Variants in MCTP1 observed in about 807,000 individuals in gnomAD.
MCTP1 encodes the protein multiple C2 and transmembrane domain-containing protein 1.
MCTP1 carries 69 observed loss-of-function variants against 120.6 expected under a neutral mutation model. The ratio of observed to expected loss-of-function variants is 0.57; its 90% confidence interval spans 0.47 to 0.70. The LOEUF (loss-of-function observed/expected upper bound fraction) is 0.70. Among genes scored for constraint, MCTP1 ranks in the 30% least tolerant of loss-of-function variants. MCTP1 has a pLI of 0.00. For synonymous variants in MCTP1, 529 were observed against 493.1 expected, an observed-to-expected ratio of 1.07 and a Z score of -0.96; for missense variants, 1,203 against 1,248.8, an observed-to-expected ratio of 0.96 and a Z score of 0.55.
At chr5:94,736,692 G>C (rs904990239) in intron 19 of MCTP1, among the ~76,000 whole-genome samples, 2 of 152,046 alleles carry the variant, frequency 1.3e-5, no homozygotes, top group Non-Finnish European at 2.9e-5. Context: ...TTTTAAATGA[G>C]AGACTGCAAG....
At chr5:95,046,080 A>G (rs73138080) in intron 1 of MCTP1, among the ~76,000 whole-genome samples, 1,827 of 152,300 alleles carry the variant, frequency 0.012, 36 homozygotes, top group African/African-American at 0.042. Flanking sequence ...TAAGAGTGCT[A>G]TATTTCCAGA....
Position 94,912,466 on chromosome 5 carries a change from A to AAAAAAAAAAAAAAG in MCTP1, c.1521+339_1521+340insCTTTTTTTTTTTTT, listed in dbSNP as rs1211529200. On this transcript the variant is annotated intron_variant, in intron 9 of 22. Transcript: ENST00000515393. ...AAAAAAAAAAAAAAAAAAAAAAAAA[A>AAAAAAAAAAAAAAG]GCCGCACTCTGAGTACTTTATGTGC... Among the ~76,000 whole-genome samples the AAAAAAAAAAAAAAG allele has an allele frequency of 3.1e-3, 281 of 92,098 alleles. 70 individuals carry two copies. The highest frequency in any genetic ancestry group is 6.8e-3 in the Middle Eastern group (1 of 148). The allele number at this position is 92,098 out of a possible 152,430, so 60.4% of individuals were successfully genotyped here. A position where few individuals can be genotyped will look rare whatever the true frequency, so the allele number is the denominator to read the frequency against.
At chr5:94,716,216 CTAT>C (rs1025840298) in intron 19 of MCTP1, among the ~76,000 whole-genome samples, 8 of 152,266 alleles carry the variant, frequency 5.3e-5, no homozygotes, top group Admixed American at 1.3e-4. Flanking sequence ...AGAAATTTGT[CTAT>C]TATTCATCTT....
At chr5:95,151,686 T>C (rs1049420533) in intron 1 of MCTP1, among the ~76,000 whole-genome samples, 5 of 152,196 alleles carry the variant, frequency 3.3e-5, no homozygotes, top group Non-Finnish European at 7.4e-5. Flanking sequence ...TTTCCACTTA[T>C]CTGATTTCCT....
At chr5:95,082,806 T>C (rs1230453699) in intron 1 of MCTP1, among the ~76,000 whole-genome samples, 2 of 152,198 alleles carry the variant, frequency 1.3e-5, no homozygotes, top group Non-Finnish European at 2.9e-5. Flanking sequence ...ACATGGCTAG[T>C]GGCTACCATA....
intron 1 of MCTP1, among the ~76,000 whole-genome samples, chr5:95,105,178 T>C (rs1025798464): frequency 1.3e-5 from 2 of 152,188 alleles, no homozygotes; most frequent in Admixed American, 6.5e-5. Flanking sequence ...AGAGCTGGGA[T>C]TGAACCCAGC....
chr5:95,175,924 C>T (rs1747918719), intron 1 of MCTP1, among the ~76,000 whole-genome samples: 1 of 152,160 alleles, frequency 6.6e-6, no homozygotes, highest in South Asian at 2.1e-4. Context: ...CTCTATTACC[C>T]TTTTGTTTTC....
chr5:94,976,210 T>C (rs1828060822), intron 2 of MCTP1, among the ~76,000 whole-genome samples: 1 of 152,164 alleles, frequency 6.6e-6, no homozygotes. Flanking sequence ...CAAGCTATGG[T>C]GATTGGCATT....
At chr5:94,870,247 A>G (rs968429908) in intron 16 of MCTP1, among the ~76,000 whole-genome samples, 170 bp downstream of exon 16, 6 of 152,140 alleles carry the variant, frequency 3.9e-5, no homozygotes, top group African/African-American at 1.4e-4. Flanking sequence ...AAAGAAAGGA[A>G]GGAAGAAAGA....
intron 1 of MCTP1, among the ~76,000 whole-genome samples, chr5:95,140,654 G>A (rs1326050398): frequency 3.1e-5 from 4 of 129,132 alleles, no homozygotes; most frequent in Admixed American, 9.3e-5. Context: ...GCAGGAGATC[G>A]AGACCATCCT....
At chr5:94,832,218 TA>T (rs1467450918) in intron 17 of MCTP1, among the ~76,000 whole-genome samples, 1 of 146,192 alleles carries the variant, frequency 6.8e-6, no homozygotes, top group Non-Finnish European at 1.5e-5. Context: ...AGAGTTACTT[TA>T]TAATGCATTC....
chr5:94,806,384 A>G lies in MCTP1; in HGVS notation c.2437-7252T>C, dbSNP rs543698924. 3.3e-5 allele frequency among the ~76,000 whole-genome samples: 5 copies of G among 152,334 alleles called. No individual in the cohort carries two copies. The South Asian group carries it at 1.0e-3, about 32-fold the overall frequency. On this transcript the variant is annotated intron_variant, in intron 17 of 22. Transcript: ENST00000515393. Reference sequence around the variant, plus strand: ...TGGGGCAAGGCTTTTCAGTCATATGAAACAAGGCATACTATACAAAGTAGA... The same window carrying G: ...TGGGGCAAGGCTTTTCAGTCATATGGAACAAGGCATACTATACAAAGTAGA...
chr5:95,017,452 T>C lies in MCTP1; in HGVS notation c.753A>G (p.Ala251=), dbSNP rs556594937. The part of the protein sequence containing the change: ...KIINTAGTSN[A]EVPLADPGMY... Reference sequence around the variant, plus strand: ...TTCCGGGATCAGCCAAGGGGACTTCTGCATTACTGGTTCCAGCAGTGTTTA... The same window carrying C: ...TTCCGGGATCAGCCAAGGGGACTTCCGCATTACTGGTTCCAGCAGTGTTTA... The change falls in exon 2 of 23, where the codon GCA becomes GCG. Residue 251 remains alanine (A), a synonymous_variant. Coordinates refer to ENST00000515393, the MANE Select transcript of MCTP1 (RefSeq NM_024717.7). 6.2e-7 allele frequency: 1 copy of C among 1,609,458 alleles called. No individual in the cohort carries two copies. Among genetic ancestry groups the C allele is most frequent in the Non-Finnish European group, 8.5e-7 (1 of 1,177,160 alleles).
At chr5:95,184,106 T>C (rs1343338083) in intron 1 of MCTP1, among the ~76,000 whole-genome samples, 1 of 152,000 alleles carries the variant, frequency 6.6e-6, no homozygotes, top group Admixed American at 6.6e-5. Context: ...TGTATACCTA[T>C]GTAACAAACC....
chr5:94,835,854 A>G (rs1442617566), intron 17 of MCTP1, among the ~76,000 whole-genome samples: 1 of 152,048 alleles, frequency 6.6e-6, no homozygotes, highest in Admixed American at 6.6e-5. Flanking sequence ...AATACAAAAA[A>G]TTAGCCGGGT....
intron 19 of MCTP1, among the ~76,000 whole-genome samples, chr5:94,770,867 T>C (rs1417197028): frequency 1.3e-5 from 2 of 152,160 alleles, no homozygotes; most frequent in Non-Finnish European, 2.9e-5. Context: ...AACCCCAGGA[T>C]TCCTCACCGT....
At chr5:94,715,433 G>C (rs890402487) in intron 19 of MCTP1, among the ~76,000 whole-genome samples, 10 of 145,620 alleles carry the variant, frequency 6.9e-5, no homozygotes, top group African/African-American at 2.3e-4. Flanking sequence ...ATACTGCTTA[G>C]ATCATATACA....
chr5:94,715,531 T>A (rs1169715935), intron 19 of MCTP1, among the ~76,000 whole-genome samples: 3 of 152,158 alleles, frequency 2.0e-5, no homozygotes, highest in African/African-American at 7.2e-5. Context: ...TAACTAAACA[T>A]TTTTTCCCCT....
chr5:95,275,563 G>C (rs1184750764), intron 1 of MCTP1, among the ~76,000 whole-genome samples: 1 of 152,134 alleles, frequency 6.6e-6, no homozygotes, highest in South Asian at 2.1e-4. Context: ...AATTTTACTT[G>C]TAAAACTAAC....
Sources: allele counts gnomAD v4.1 joint callset (sites outside exome capture counted in the v4.1 genomes callset), GRCh38; gene constraint gnomAD v4.1.1; transcripts MANE v1.5; gene names NCBI Gene and HGNC (gene_info 2026-07-23, HGNC 2026-07-21).